Variants in GOLGA8B observed in about 807,000 individuals in gnomAD.
GOLGA8B encodes golgin A8 family member B, also known as golgin subfamily A member 8B.
Under a neutral mutation model 15.6 loss-of-function variants are expected in GOLGA8B, and 1 was observed. The observed-to-expected ratio is 0.06, with a 90% CI of 0.02 to 0.30. The LOEUF (loss-of-function observed/expected upper bound fraction) is 0.30, where lower values mean the gene tolerates loss of function less well. Among genes scored for constraint, GOLGA8B ranks in the 10% least tolerant of loss-of-function variants. GOLGA8B has a pLI of 1.00. For missense variants in GOLGA8B, 17 were observed against 201.3 expected, an observed-to-expected ratio of 0.08 and a Z score of 5.54; for synonymous variants, 9 against 80.3, an observed-to-expected ratio of 0.11 and a Z score of 4.75.
intron 1 of GOLGA8B, among the ~76,000 whole-genome samples, chr15:34,573,639 A>G (rs1344827253): frequency 1.3e-5 from 2 of 152,108 alleles, no homozygotes; most frequent in Non-Finnish European, 2.9e-5. Flanking sequence ...AACATGCTTT[A>G]AAGTCCAATT....
At chr15:34,543,344 T>C (rs1888242921) in intron 7 of GOLGA8B, among the ~76,000 whole-genome samples, 1 of 147,400 alleles carries the variant, frequency 6.8e-6, no homozygotes, top group South Asian at 2.2e-4. Flanking sequence ...ACACAGCTTT[T>C]TTCTTCTTCT....
chr15:34,543,259 G>A (rs1346390634), intron 7 of GOLGA8B, among the ~76,000 whole-genome samples: 1 of 136,446 alleles, frequency 7.3e-6, no homozygotes, highest in Non-Finnish European at 1.6e-5. Flanking sequence ...CTGCAGCCCT[G>A]GCCTCCTGGG....
chr15:34,570,541 G>C (rs1270896316), intron 1 of GOLGA8B, among the ~76,000 whole-genome samples: 1 of 108,880 alleles, frequency 9.2e-6, no homozygotes, highest in Non-Finnish European at 2.0e-5. Flanking sequence ...CTCCTGAGGA[G>C]GGCCCCAGGG....
chr15:34,571,811 G>C (rs1269958344), intron 1 of GOLGA8B, among the ~76,000 whole-genome samples: 2 of 152,048 alleles, frequency 1.3e-5, no homozygotes, highest in African/African-American at 4.8e-5. Context: ...AAGCAAGCTT[G>C]ATAGTTTTAA....
chr15:34,576,141 G>A (rs867117625), intron 1 of GOLGA8B, among the ~76,000 whole-genome samples: 5 of 152,192 alleles, frequency 3.3e-5, no homozygotes, highest in African/African-American at 7.2e-5. Context: ...GATAAAAGGA[G>A]CAACACATAC....
intron 1 of GOLGA8B, among the ~76,000 whole-genome samples, chr15:34,569,234 G>A (rs1378495849): frequency 6.9e-6 from 1 of 144,326 alleles, no homozygotes; most frequent in Non-Finnish European, 1.5e-5. Context: ...GCGTCTGAAT[G>A]AAGCCAGAAA....
chr15:34,578,922 T>C (rs576616929), intron 1 of GOLGA8B, among the ~76,000 whole-genome samples: 1 of 152,278 alleles, frequency 6.6e-6, no homozygotes, highest in Admixed American at 6.5e-5. Context: ...AGGCCTCCTC[T>C]GCATTCTCTC....
At chr15:34,543,309 G>C (rs1888241908) in intron 7 of GOLGA8B, among the ~76,000 whole-genome samples, 2 of 144,998 alleles carry the variant, frequency 1.4e-5, no homozygotes, top group African/African-American at 5.1e-5. Context: ...GATTAGCTGG[G>C]AGTATAGGCA....
intron 1 of GOLGA8B, among the ~76,000 whole-genome samples, chr15:34,576,424 T>C (rs575391237): frequency 6.6e-6 from 1 of 152,296 alleles, no homozygotes; most frequent in South Asian, 2.1e-4. Context: ...GAGTTCTTGG[T>C]CTGGAGGGGC....
chr15:34,570,415 T>G (rs576949386), intron 1 of GOLGA8B, among the ~76,000 whole-genome samples: 2 of 132,280 alleles, frequency 1.5e-5, no homozygotes, highest in South Asian at 5.2e-4. Context: ...AAAAACTCAC[T>G]TAAACTGTCC....
At chr15:34,577,864 C>G (rs190417514) in intron 1 of GOLGA8B, among the ~76,000 whole-genome samples, 7 of 152,262 alleles carry the variant, frequency 4.6e-5, no homozygotes, top group Admixed American at 2.6e-4. Flanking sequence ...GTGAGTCAGT[C>G]TGTACACTAG....
Position 34,525,173 on chromosome 15 carries a change from G to C in GOLGA8B, c.*2459C>G, listed in dbSNP as rs2140328518. 1 of 149,908 alleles carries C rather than the reference G, an allele frequency of 6.7e-6. No individual in the cohort carries two copies. Among genetic ancestry groups the C allele is most frequent in the Admixed American group, 6.8e-5 (1 of 14,766 alleles). 9.3% of individuals were successfully genotyped at this position (149,908 alleles called of 1,614,324 possible). A position where few individuals can be genotyped will look rare whatever the true frequency, so the allele number is the denominator to read the frequency against. On this transcript the variant is annotated 3_prime_UTR_variant, in exon 24 of 24. Transcript: ENST00000683415. ...AGTTATACTACAATTTTGTGAAAAT[G>C]AAACAGATTATCTCATGCCAAGCAT...
intron 1 of GOLGA8B, among the ~76,000 whole-genome samples, chr15:34,580,227 G>A (rs1462869226): frequency 6.6e-6 from 1 of 152,212 alleles, no homozygotes; most frequent in Non-Finnish European, 1.5e-5. Context: ...GACAACCCAG[G>A]GCAGATCTGG....
Position 34,526,566 on chromosome 15 carries a change from C to T in GOLGA8B, c.*1066G>A, listed in dbSNP as rs1322980345. On this transcript the variant is annotated 3_prime_UTR_variant, in exon 24 of 24. Coordinates refer to ENST00000683415, the MANE Select transcript of GOLGA8B (RefSeq NM_001023567.5). Reference sequence around the variant, plus strand: ...TTCCTTCACTCTAATTCATTCTTGACTAGAGCCTGTATGCCTGTTTCAGAG... The same window carrying T: ...TTCCTTCACTCTAATTCATTCTTGATTAGAGCCTGTATGCCTGTTTCAGAG... The T allele has an allele frequency of 6.7e-6, 1 of 148,850 alleles. No homozygotes were observed. Among genetic ancestry groups the T allele is most frequent in the Non-Finnish European group, 1.5e-5 (1 of 67,160 alleles). The allele number at this position is 148,850 out of a possible 1,614,324, so 9.2% of individuals were successfully genotyped here.
chr15:34,565,129 A>C (rs1888724554), intron 1 of GOLGA8B, among the ~76,000 whole-genome samples: 2 of 98,212 alleles, frequency 2.0e-5, no homozygotes, highest in African/African-American at 7.0e-5. Context: ...TCTTAGATCC[A>C]GTTCTCTTTT....
chr15:34,578,165 GTC>G (rs199528482), intron 1 of GOLGA8B, among the ~76,000 whole-genome samples: 2,319 of 152,260 alleles, frequency 0.015, 28 homozygotes, highest in Middle Eastern at 0.034. Flanking sequence ...ACAACCAAGC[GTC>G]TCTCTGCACA....
At chr15:34,577,751 T>C (rs1048181731) in intron 1 of GOLGA8B, among the ~76,000 whole-genome samples, 3 of 152,064 alleles carry the variant, frequency 2.0e-5, no homozygotes, top group Non-Finnish European at 2.9e-5. Context: ...TATCTAAACA[T>C]AGAAAAGGCA....
At position 34,525,421 on chromosome 15, in the gene GOLGA8B, A is replaced by G. The variant is rs1894421517; in HGVS notation, c.*2211T>C. The G allele has an allele frequency of 6.7e-6, 1 of 150,078 alleles. No homozygotes were observed. The highest frequency in any genetic ancestry group is 6.8e-5 in the Admixed American group (1 of 14,804). The allele number at this position is 150,078 out of a possible 1,614,324, so 9.3% of individuals were successfully genotyped here. A position where few individuals can be genotyped will look rare whatever the true frequency, so the allele number is the denominator to read the frequency against. On this transcript the variant is annotated 3_prime_UTR_variant, in exon 24 of 24. Coordinates refer to ENST00000683415, the MANE Select transcript of GOLGA8B (RefSeq NM_001023567.5). The stretch of plus-strand genomic sequence containing the variant: ...CCATACATTGGTAAAATTCATTCTA[A>G]GAAAACTTGGCAAACAAAGCTTTGG...
intron 1 of GOLGA8B, among the ~76,000 whole-genome samples, chr15:34,572,467 G>C (rs1224549144): frequency 1.3e-5 from 2 of 152,228 alleles, no homozygotes; most frequent in Non-Finnish European, 2.9e-5. Context: ...TGCTGCTTGC[G>C]CAAAGGACAA....
Sources: gnomAD v4.1 joint callset for allele counts (sites outside exome capture counted in the v4.1 genomes callset) on GRCh38, gnomAD v4.1.1 for gene constraint, MANE v1.5 for transcripts, NCBI Gene and HGNC (gene_info 2026-07-23, HGNC 2026-07-21) for gene names.